SLCO3A1: variants seen among roughly 807,000 people sequenced by gnomAD.
SLCO3A1 encodes the protein solute carrier organic anion transporter family member 3A1.
A neutral mutation model predicts 63.1 loss-of-function variants in SLCO3A1; 27 were observed. The observed-to-expected ratio is 0.43, with a 90% CI of 0.32 to 0.59. The LOEUF (loss-of-function observed/expected upper bound fraction) is 0.59. Ranked by LOEUF, SLCO3A1 falls within the 20% of genes least tolerant of loss-of-function variation. SLCO3A1 has a pLI of 0.09. For missense variants in SLCO3A1, 773 were observed against 945.8 expected (o/e 0.82, Z 2.40); for synonymous variants, 473 against 409.9 (o/e 1.15, Z -1.86).
intron 1 of SLCO3A1, among the ~76,000 whole-genome samples, chr15:91,898,150 G>C (rs78245065): frequency 4.1e-4 from 63 of 152,242 alleles, no homozygotes; most frequent in Non-Finnish European, 7.4e-4. Flanking sequence ...ACCTGCCTAA[G>C]AACAGAGCCG....
intron 2 of SLCO3A1, among the ~76,000 whole-genome samples, chr15:91,985,033 A>C (rs1291019865): frequency 2.0e-5 from 3 of 152,198 alleles, no homozygotes; most frequent in Non-Finnish European, 4.4e-5. Context: ...ATGAATTTTC[A>C]CAAAATTTAC....
chr15:91,973,193 GCT>G (rs1255059246), intron 2 of SLCO3A1, among the ~76,000 whole-genome samples: 1 of 152,204 alleles, frequency 6.6e-6, no homozygotes, highest in East Asian at 1.9e-4. Flanking sequence ...CAACCCCTCT[GCT>G]CTCTCATTTC....
rs1467758602 is a variant in SLCO3A1 at position 92,047,602 on chromosome 15, T to TA, written c.647-47278dup. 1.0e-3 allele frequency among the ~76,000 whole-genome samples: 38 copies of TA among 37,084 alleles called. 4 individuals are homozygous for TA. Among genetic ancestry groups the TA allele is most frequent in the African/African-American group, 2.6e-3 (36 of 13,668 alleles). 24.3% of individuals were successfully genotyped at this position (37,084 alleles called of 152,430 possible). ...TATATAATATATATATAATATATAA[T>TA]ATATATATAATATATAAATATATAT... On this transcript the variant is annotated intron_variant, in intron 2 of 9. Transcript: ENST00000318445.
At chr15:91,939,796 G>A (rs1899554774) in intron 2 of SLCO3A1, among the ~76,000 whole-genome samples, 1 of 152,110 alleles carries the variant, frequency 6.6e-6, no homozygotes. Flanking sequence ...AAAGACATCA[G>A]CAGCCCCCGT....
chr15:91,953,871 G>T (rs896705735), intron 2 of SLCO3A1, among the ~76,000 whole-genome samples: 3 of 152,122 alleles, frequency 2.0e-5, no homozygotes, highest in Non-Finnish European at 2.9e-5. Flanking sequence ...TTCGTCTTTG[G>T]AACTATATCT....
chr15:92,056,370 C>T (rs2047021706), intron 2 of SLCO3A1, among the ~76,000 whole-genome samples: 1 of 151,898 alleles, frequency 6.6e-6, no homozygotes. Flanking sequence ...AAAAAAATGG[C>T]TTTCTGAGAT....
intron 7 of SLCO3A1, among the ~76,000 whole-genome samples, chr15:92,146,492 C>T (rs1301314862): frequency 6.6e-6 from 1 of 152,232 alleles, no homozygotes; most frequent in Non-Finnish European, 1.5e-5. Context: ...GGTGACTTCA[C>T]GCGTGACAGC....
chr15:92,108,288 C>T (rs1305969944), intron 4 of SLCO3A1, among the ~76,000 whole-genome samples: 5 of 152,254 alleles, frequency 3.3e-5, no homozygotes, highest in Non-Finnish European at 7.3e-5. Context: ...ATTTTTACTT[C>T]TCAGCTGCGC....
chr15:91,953,526 C>G (rs753496532), intron 2 of SLCO3A1, among the ~76,000 whole-genome samples: 1 of 152,216 alleles, frequency 6.6e-6, no homozygotes, highest in South Asian at 2.1e-4. Context: ...TCAGGCAGAC[C>G]GGGTGTGCCA....
At chr15:91,930,155 A>G (rs953728894) in intron 2 of SLCO3A1, among the ~76,000 whole-genome samples, 7 of 152,068 alleles carry the variant, frequency 4.6e-5, no homozygotes, top group African/African-American at 1.7e-4. Context: ...CTCTTCCTGC[A>G]TTTAAAAGCT....
intron 1 of SLCO3A1, among the ~76,000 whole-genome samples, chr15:91,899,524 C>A (rs781564618): frequency 5.9e-5 from 9 of 152,166 alleles, no homozygotes; most frequent in Non-Finnish European, 1.2e-4. Context: ...GTGAACCTCT[C>A]CCAGTTCTGC....
At chr15:92,143,704 T>C (rs1229715984) in intron 7 of SLCO3A1, among the ~76,000 whole-genome samples, 3 of 150,392 alleles carry the variant, frequency 2.0e-5, no homozygotes, top group African/African-American at 7.4e-5. Flanking sequence ...TTATAGTCAA[T>C]AGGGTGCCGT....
At position 91,966,213 on chromosome 15, in the gene SLCO3A1, C is replaced by G. The variant is rs188130119; in HGVS notation, c.646+49755C>G. Among the ~76,000 whole-genome samples, 713 of 152,270 alleles carry G rather than the reference C, an allele frequency of 4.7e-3. 3 individuals carry two copies. Among genetic ancestry groups the G allele is most frequent in the African/African-American group, 0.017 (694 of 41,550 alleles). On this transcript the variant is annotated intron_variant, in intron 2 of 9. Coordinates refer to ENST00000318445, the MANE Select transcript of SLCO3A1 (RefSeq NM_013272.4). ...CAGCCCCAGCCACACCATAACTGCA[C>G]CCGTAGCTCAGATGAGGTCAGGACA...
At chr15:91,861,798 A>AT (rs926257044) in intron 1 of SLCO3A1, among the ~76,000 whole-genome samples, 2,168 of 144,380 alleles carry the variant, frequency 0.015, 65 homozygotes, top group African/African-American at 0.048. Flanking sequence ...TAGTTTTCTT[A>AT]TTTTTTTTTT....
rs76275634 is a variant in SLCO3A1, at chr15:92,049,428, C to A, written c.647-45453C>A. On this transcript the variant is annotated intron_variant, in intron 2 of 9. Transcript: ENST00000318445. ...AAGGAAGTGACTGGTTTCTCCAGTA[C>A]CCCCAAGCTCTTGCAACTGACCCTA... Among the ~76,000 whole-genome samples, 6 of 152,260 alleles carry A rather than the reference C, an allele frequency of 3.9e-5. No individual in the cohort carries two copies. The East Asian group carries it at 5.8e-4, about 15-fold the overall frequency.
intron 2 of SLCO3A1, among the ~76,000 whole-genome samples, chr15:91,992,193 A>G (rs76715769): frequency 0.012 from 1,898 of 152,330 alleles, 44 homozygotes; most frequent in African/African-American, 0.043. Flanking sequence ...TGTTTTGTCT[A>G]TAAGCATTTA....
In SLCO3A1 at chr15:92,120,487, C is replaced by G. The variant is rs781204233; in HGVS notation, c.1032C>G (p.His344Gln). ...QLRVIPKVTK[H>Q]LLSNPVFTCI... is the part of the protein sequence containing the mutation. ...CAGTGATCCCGAAGGTCACCAAGCA[C>G]CTGCTCTCAAACCCTGTGTTCACCT... Residue 344 changes from histidine to glutamine, a missense_variant, in exon 5 of 10, where the codon CAC becomes CAG. His to Gln is a conservative substitution (Grantham distance 24). Around this residue, in one of 3 missense-constraint regions of SLCO3A1, gnomAD observed 565 missense variants for 749.8 expected, o/e 0.75. Transcript: ENST00000318445. The G allele has an allele frequency of 2.5e-6, 4 of 1,614,028 alleles. No individual in the cohort carries two copies.
intron 2 of SLCO3A1, among the ~76,000 whole-genome samples, chr15:91,999,429 G>T (rs2046227805): frequency 1.3e-5 from 2 of 152,112 alleles, no homozygotes; most frequent in African/African-American, 4.8e-5. Context: ...AGAAAAATGG[G>T]TATAAAATAG....
chr15:91,864,199 G>A lies in SLCO3A1; in HGVS notation c.180+10111G>A, dbSNP rs545833655. 1.8e-3 allele frequency among the ~76,000 whole-genome samples: 275 copies of A among 152,284 alleles called. 2 individuals are homozygous for A. Among genetic ancestry groups the A allele is most frequent in the African/African-American group, 6.4e-3 (266 of 41,570 alleles). ...ATATTGTTTCTGTGGCCCAGGGTGG[G>A]CCTGTTTTTAGGTCTTCTTAAGTAT... On this transcript the variant is annotated intron_variant, in intron 1 of 9. Transcript: ENST00000318445.
Sources: allele counts gnomAD v4.1 joint callset (sites outside exome capture counted in the v4.1 genomes callset), GRCh38; gene constraint gnomAD v4.1.1; regional missense constraint gnomAD v4.1.1; transcripts MANE v1.5; gene names NCBI Gene and HGNC (gene_info 2026-07-23, HGNC 2026-07-21).